Variants in ZNF721 observed in about 807,000 individuals in gnomAD.
The protein encoded by ZNF721 is zinc finger protein 721.
Under a neutral mutation model 2.4 loss-of-function variants are expected in ZNF721, and 2 were observed. The observed-to-expected ratio is 0.82, with a 90% confidence interval of 0.34 to 2.58. The LOEUF is 2.58. Ranked by LOEUF, ZNF721 falls within the 30% of genes most tolerant of loss-of-function variation. ZNF721 has a pLI of 0.11. For missense variants in ZNF721, 1,187 were observed against 1,085.5 expected (o/e 1.09, Z -1.31); for synonymous variants, 398 against 381.8 (o/e 1.04, Z -0.50).
chr4:443,685 G>T lies in ZNF721; in HGVS notation c.782C>A (p.Ser261Tyr). 6.2e-7 allele frequency: 1 copy of T among 1,614,020 alleles called. No homozygotes were observed. Among genetic ancestry groups the T allele is most frequent in the South Asian group, 1.1e-5 (1 of 91,062 alleles). Residue 261 changes from serine to tyrosine, a missense_variant, in exon 3 of 3, where the codon TCC becomes TAC. Coordinates refer to ENST00000511833, the MANE Select transcript of ZNF721 (RefSeq NM_133474.4). ...CCTCTTATGTTTAGCAAAGCTTGAG[G>T]ATGAGGAAATGACTTTGCCACATTC... ...CKECGKVISS[S>Y]SSFAKHKRIH...
At position 469,688 on chromosome 4, in the gene ZNF721, T is replaced by C. The variant is rs992624257; in HGVS notation, c.34+2887A>G. On this transcript the variant is annotated intron_variant, in intron 2 of 2. Coordinates refer to ENST00000511833, the MANE Select transcript of ZNF721 (RefSeq NM_133474.4). Reference sequence around the variant, plus strand: ...AATTTTAAACTTTATGTAAAGGTTGTAGTAAGCAAAAGAGTATGGCATGTG... The same window carrying C: ...AATTTTAAACTTTATGTAAAGGTTGCAGTAAGCAAAAGAGTATGGCATGTG... 3.9e-5 allele frequency among the ~76,000 whole-genome samples: 6 copies of C among 152,292 alleles called. No individual in the cohort carries two copies. The East Asian group carries it at 9.6e-4, about 24-fold the overall frequency.
In ZNF721 at chr4:441,835, C is replaced by T; in HGVS notation, c.2632G>A (p.Ala878Thr). 1 of 1,613,914 alleles carries T rather than the reference C, an allele frequency of 6.2e-7. No individual in the cohort carries two copies. The change falls in exon 3 of 3, where the codon GCA becomes ACA. Residue 878 changes from alanine to threonine, a missense_variant. Ala to Thr is a moderately conservative substitution (Grantham distance 58). Coordinates refer to ENST00000511833, the MANE Select transcript of ZNF721 (RefSeq NM_133474.4). Reference protein sequence around the residue: ...GECGKTFRQSANLYAHKKIHT... With the variant: ...GECGKTFRQSTNLYAHKKIHT... ...ATTTTCTTATGCGCATAAAGATTTG[C>T]AGACTGTCTAAAGGTTTTGCCACAT... is the stretch of plus-strand genomic sequence containing the variant.
At chr4:485,498 T>C (rs1553870115) in intron 1 of ZNF721, among the ~76,000 whole-genome samples, 1 of 151,546 alleles carries the variant, frequency 6.6e-6, no homozygotes, top group East Asian at 1.9e-4. Flanking sequence ...AACTCAACAG[T>C]GGTGAGTAGA....
At chr4:464,468 C>CAAA (rs57645783) in intron 2 of ZNF721, among the ~76,000 whole-genome samples, 5 of 77,958 alleles carry the variant, frequency 6.4e-5, no homozygotes, top group Admixed American at 3.1e-4. Context: ...GACTCCACCT[C>CAAA]AAAAAAAAAA....
chr4:495,323 CTT>C lies in ZNF721; in HGVS notation c.-94+3731_-94+3732del, dbSNP rs1232850050. Among the ~76,000 whole-genome samples the C allele has an allele frequency of 1.1e-4, 11 of 102,388 alleles. No homozygotes were observed. The South Asian group carries it at 2.3e-3, about 21-fold the overall frequency. 67.2% of individuals were successfully genotyped at this position (102,388 alleles called of 152,430 possible). ...TCAGTCAACTGAACAAAAAAAAAAA[CTT>C]TTGCTCAAAAAAAAAAAAAAAAAGA... is the stretch of plus-strand genomic sequence containing the variant. On this transcript the variant is annotated intron_variant, in intron 1 of 2. Coordinates refer to ENST00000511833, the MANE Select transcript of ZNF721 (RefSeq NM_133474.4).
chr4:444,199 A>C lies in ZNF721; in HGVS notation c.268T>G (p.Phe90Val), dbSNP rs201245819. ...TTGTTTGAATTTGCAAATTTACTAA[A>C]AACTTTGACACGTGCATTACATTGA... Reference protein sequence around the residue: ...IFQCNARVKVFSKFANSNKDK... With the variant: ...IFQCNARVKVVSKFANSNKDK... The change falls in exon 3 of 3, where the codon TTT becomes GTT. Residue 90 changes from phenylalanine to valine, a missense_variant. Physicochemically the swap from Phe to Val is conservative, Grantham distance 50. Transcript: ENST00000511833. 1.3e-4 allele frequency: 207 copies of C among 1,613,670 alleles called. No homozygotes were observed. The highest frequency in any genetic ancestry group is 1.6e-4 in the Non-Finnish European group (194 of 1,179,778).
At chr4:450,266 C>A in intron 2 of ZNF721, among the ~76,000 whole-genome samples, 1 of 149,900 alleles carries the variant, frequency 6.7e-6, no homozygotes, top group South Asian at 2.1e-4. Flanking sequence ...GATATGGAAT[C>A]AATCCAAGTG....
chr4:443,672 A>G lies in ZNF721; in HGVS notation c.795T>C (p.Ala265=), dbSNP rs1714360114. The change falls in exon 3 of 3, where the codon GCT becomes GCC. Residue 265 remains alanine, a synonymous_variant. Coordinates refer to ENST00000511833, the MANE Select transcript of ZNF721 (RefSeq NM_133474.4). ...GKVISSSSSF[A]KHKRIHTGEK... Reference sequence around the variant, plus strand: ...CGCCAGTATGAATCCTCTTATGTTTAGCAAAGCTTGAGGATGAGGAAATGA... The same window carrying G: ...CGCCAGTATGAATCCTCTTATGTTTGGCAAAGCTTGAGGATGAGGAAATGA... 6.2e-7 allele frequency: 1 copy of G among 1,614,074 alleles called. No individual in the cohort carries two copies. Among genetic ancestry groups the G allele is most frequent in the Non-Finnish European group, 8.5e-7 (1 of 1,179,978 alleles).
intron 2 of ZNF721, among the ~76,000 whole-genome samples, chr4:460,729 A>C (rs868932776): frequency 1.1e-4 from 16 of 152,198 alleles, no homozygotes; most frequent in South Asian, 4.1e-4. Flanking sequence ...AAAAGAGAGA[A>C]GAATCAAATA....
chr4:472,025 G>A (rs1469238755), intron 2 of ZNF721, among the ~76,000 whole-genome samples: 1 of 152,068 alleles, frequency 6.6e-6, no homozygotes, highest in African/African-American at 2.4e-5. Context: ...AACATAACTC[G>A]TTTGTATCAA....
At chr4:480,991 T>C (rs1410196259) in intron 1 of ZNF721, among the ~76,000 whole-genome samples, 11 of 152,124 alleles carry the variant, frequency 7.2e-5, no homozygotes, top group African/African-American at 2.7e-4. Flanking sequence ...GGTGTGATAA[T>C]GGTCACTGCA....
intron 1 of ZNF721, among the ~76,000 whole-genome samples, chr4:489,979 C>G (rs1485188032): frequency 6.6e-6 from 1 of 151,996 alleles, no homozygotes; most frequent in Non-Finnish European, 1.5e-5. Flanking sequence ...CCTGCCTCAG[C>G]CTCCCAAGTG....
chr4:471,429 T>C (rs1420711327), intron 2 of ZNF721, among the ~76,000 whole-genome samples: 1 of 152,184 alleles, frequency 6.6e-6, no homozygotes, highest in East Asian at 1.9e-4. Context: ...GAGGACATGA[T>C]GCTAAATGAA....
chr4:474,977 C>T (rs1030734199), intron 1 of ZNF721, among the ~76,000 whole-genome samples: 9 of 151,268 alleles, frequency 5.9e-5, no homozygotes, highest in African/African-American at 1.9e-4. Context: ...TCACGAGGTC[C>T]GGAGATCGAG....
At chr4:449,591 C>T (rs1553864607) in intron 2 of ZNF721, among the ~76,000 whole-genome samples, 3 of 151,980 alleles carry the variant, frequency 2.0e-5, no homozygotes, top group Admixed American at 6.5e-5. Context: ...GGGATTACAA[C>T]AAAGTAAAAA....
rs781818614 is a variant in ZNF721 at position 443,829 on chromosome 4, T to C, written c.638A>G (p.Lys213Arg). ...GTAGGGTTTATCTCCAGTATGAATTTTCTTATATTCATTCAGGTTTGTGGA... is the reference window on the plus strand; with the variant it reads ...GTAGGGTTTATCTCCAGTATGAATTCTCTTATATTCATTCAGGTTTGTGGA... ...GWSTNLNEYK[K>R]IHTGDKPYKC... Residue 213 changes from lysine (K) to arginine (R), a missense_variant, in exon 3 of 3, where the codon AAA becomes AGA. Lys to Arg is a conservative substitution (Grantham distance 26). Coordinates refer to ENST00000511833, the MANE Select transcript of ZNF721 (RefSeq NM_133474.4). 1 of 1,613,918 alleles carries C rather than the reference T, an allele frequency of 6.2e-7. No homozygotes were observed. Among genetic ancestry groups the C allele is most frequent in the South Asian group, 1.1e-5 (1 of 91,068 alleles).
chr4:471,050 T>G (rs1383788627), intron 2 of ZNF721, among the ~76,000 whole-genome samples: 7 of 151,922 alleles, frequency 4.6e-5, no homozygotes, highest in African/African-American at 1.7e-4. Context: ...TTAAGAAACT[T>G]CTGCAATTCA....
intron 1 of ZNF721, among the ~76,000 whole-genome samples, chr4:491,883 A>T (rs1009074072): frequency 5.9e-5 from 9 of 152,086 alleles, no homozygotes; most frequent in Non-Finnish European, 1.0e-4. Context: ...GGCCAGATGC[A>T]GTGGCTCATG....
chr4:445,137 A>G (rs1469241254), intron 2 of ZNF721, among the ~76,000 whole-genome samples: 1 of 151,710 alleles, frequency 6.6e-6, no homozygotes, highest in African/African-American at 2.4e-5. Context: ...GGCACCTACC[A>G]CCACGCCCAG....
Sources: allele counts gnomAD v4.1 joint callset (sites outside exome capture counted in the v4.1 genomes callset), GRCh38; gene constraint gnomAD v4.1.1; transcripts MANE v1.5; gene names NCBI Gene and HGNC (gene_info 2026-07-23, HGNC 2026-07-21).